The following KIR2DL1 variants were observed in gnomAD, a reference collection of about 807,000 sequenced individuals.
The protein encoded by KIR2DL1 is killer cell immunoglobulin-like receptor 2DL1.
In KIR2DL1, 38 loss-of-function variants were observed where a neutral mutation model predicts 33.9. The observed-to-expected ratio is 1.12, with a 90% CI of 0.86 to 1.47. KIR2DL1 has a LOEUF of 1.47. KIR2DL1 is among the 40% of genes most tolerant of loss of function. The pLI, the probability that KIR2DL1 is intolerant of heterozygous loss-of-function variation, is 0.00. For synonymous variants in KIR2DL1, 179 were observed against 165.9 expected (o/e 1.08, Z -0.61); for missense variants, 531 against 433.9 (o/e 1.22, Z -1.99).
chr19:54,782,854 A>T, intron 5 of KIR2DL1, 68 bp from the exon 6 acceptor site: 6 of 1,546,970 alleles, frequency 3.9e-6, no homozygotes, highest in Non-Finnish European at 5.4e-6. Context: ...TCAATCAAGA[A>T]ATGCGAGACA....
chr19:54,783,745 A>G lies in KIR2DL1; in HGVS notation c.979A>G (p.Thr327Ala), dbSNP rs779801630. The G allele has an allele frequency of 1.9e-6, 3 of 1,614,002 alleles. No homozygotes were observed. Among genetic ancestry groups the G allele is most frequent in the East Asian group, 2.2e-5 (1 of 44,882 alleles). The change falls in exon 8 of 8, where the codon ACA (threonine) becomes GCA (alanine). Residue 327 changes from threonine to alanine, a missense_variant. By Grantham distance (58) the Thr-to-Ala change is moderately conservative (BLOSUM62 0). Coordinates refer to ENST00000336077, the MANE Select transcript of KIR2DL1 (RefSeq NM_014218.3). ...RPSQRPKTPPTDIIVYTELPN... is the reference protein window; with the variant it reads ...RPSQRPKTPPADIIVYTELPN... ...TTCTCAGAGGCCCAAGACACCCCCAACAGATATCATCGTGTACACGGAACT... is the reference window on the plus strand; with the variant it reads ...TTCTCAGAGGCCCAAGACACCCCCAGCAGATATCATCGTGTACACGGAACT...
chr19:54,775,202 C>T lies in KIR2DL1; in HGVS notation c.408C>T (p.Gly136=). 1.9e-6 allele frequency: 3 copies of T among 1,595,532 alleles called. 1 individual carries two copies. The highest frequency in any genetic ancestry group is 2.6e-6 in the Non-Finnish European group (3 of 1,166,900). The change falls in exon 4 of 8, where the codon GGC becomes GGT. Residue 136 remains glycine, a synonymous_variant. Transcript: ENST00000336077. ...YEKPSLSAQL[G]PTVLAGENVT... is the part of the protein sequence containing the mutation. ...AACCTTCTCTCTCAGCCCAGCTGGG[C>T]CCCACGGTTCTGGCAGGAGAGAATG...
At chr19:54,777,643 AT>A (rs2076504216) in intron 4 of KIR2DL1, among the ~76,000 whole-genome samples, 1 of 147,030 alleles carries the variant, frequency 6.8e-6, no homozygotes, top group Admixed American at 6.9e-5. Context: ...TTGTTGGTTT[AT>A]TTTTAGCAGT....
chr19:54,775,208 G>A lies in KIR2DL1; in HGVS notation c.414G>A (p.Thr138=), dbSNP rs142372160. The change falls in exon 4 of 8, where the codon ACG becomes ACA. Residue 138 remains threonine (T), a synonymous_variant. Transcript: ENST00000336077. ...KPSLSAQLGP[T]VLAGENVTLS... ...CTCTCTCAGCCCAGCTGGGCCCCAC[G>A]GTTCTGGCAGGAGAGAATGTGACCT... 1.3e-4 allele frequency: 207 copies of A among 1,598,392 alleles called. No homozygotes were observed. In the African/African-American group the frequency reaches 2.4e-3, roughly 18 times the overall value.
In KIR2DL1 at chr19:54,773,539, G is replaced by T. The variant is rs760583392; in HGVS notation, c.277G>T (p.Asp93Tyr). The change falls in exon 3 of 8, where the codon GAC (aspartate) becomes TAC (tyrosine). Residue 93 changes from aspartate to tyrosine, a missense_variant. By Grantham distance (160) the Asp-to-Tyr change is radical. Coordinates refer to ENST00000336077, the MANE Select transcript of KIR2DL1 (RefSeq NM_014218.3). ...CTTCTCCATCAGTCGCATGACGCAA[G>T]ACCTGGCAGGGACCTACAGATGCTA... is the stretch of plus-strand genomic sequence containing the variant. ...ANFSISRMTQ[D>Y]LAGTYRCYGS... The T allele has an allele frequency of 3.8e-6, 6 of 1,583,344 alleles. No homozygotes were observed. The African/African-American group carries it at 5.4e-5, about 14-fold the overall frequency.
intron 5 of KIR2DL1, chr19:54,780,042 G>T: frequency 2.2e-6 from 1 of 460,064 alleles, no homozygotes; most frequent in South Asian, 2.5e-5. Context: ...GGGATTACAG[G>T]CAACTGCCAC....
At chr19:54,772,320 T>C (rs1319321050) in intron 2 of KIR2DL1, among the ~76,000 whole-genome samples, 1 of 147,450 alleles carries the variant, frequency 6.8e-6, no homozygotes, top group African/African-American at 2.5e-5. Flanking sequence ...TGAATGCAGG[T>C]GGCCTATAGA....
intron 2 of KIR2DL1, among the ~76,000 whole-genome samples, chr19:54,772,003 G>A (rs1295312109): frequency 1.4e-5 from 2 of 147,882 alleles, no homozygotes; most frequent in African/African-American, 4.9e-5. Flanking sequence ...TGTATTTGGG[G>A]TAAAGGGGGA....
In KIR2DL1 at chr19:54,772,783, A is replaced by T. The variant is rs1288967187; in HGVS notation, c.71-550A>T. 2.1e-5 allele frequency among the ~76,000 whole-genome samples: 3 copies of T among 144,460 alleles called. 1 individual carries two copies. The highest frequency in any genetic ancestry group is 4.6e-5 in the Non-Finnish European group (3 of 64,886). 94.8% of individuals were successfully genotyped at this position (144,460 alleles called of 152,430 possible). On this transcript the variant is annotated intron_variant, in intron 2 of 7. Transcript: ENST00000336077. ...TGAGATCAGCAAGGCTCAGATGATG[A>T]TGCCACCACCAGGCTCCATCCACAT...
chr19:54,783,197 A>C (rs113145980), intron 6 of KIR2DL1, among the ~76,000 whole-genome samples, 174 bp downstream of exon 6: 32 of 151,772 alleles, frequency 2.1e-4, no homozygotes, highest in African/African-American at 7.5e-4. Context: ...TTCAACTCAC[A>C]GACCGTTGCC....
Position 54,777,304 on chromosome 19 carries a change from T to G in KIR2DL1, c.665-1308T>G, listed in dbSNP as rs1467180769. On this transcript the variant is annotated intron_variant, in intron 4 of 7. Transcript: ENST00000336077. ...CAGCGTTTCTCTATGTGGGTCAGAC[T>G]GGTCTCAAACTCCCAACCTTATGAG... Among the ~76,000 whole-genome samples, 75 of 148,432 alleles carry G rather than the reference T, an allele frequency of 5.1e-4. 2 individuals are homozygous for G. The highest frequency in any genetic ancestry group is 3.3e-4 in the Non-Finnish European group (22 of 66,534).
At position 54,773,019 on chromosome 19, in the gene KIR2DL1, A is replaced by G. The variant is rs1319645182; in HGVS notation, c.71-314A>G. On this transcript the variant is annotated intron_variant, in intron 2 of 7. Transcript: ENST00000336077. ...TGCTAAGAGCCTGGATGTGCAGCCT[A>G]TCCTGGTTCCTCTTCCACCCCCACA... Among the ~76,000 whole-genome samples the G allele has an allele frequency of 4.0e-5, 6 of 148,406 alleles. No homozygotes were observed. The South Asian group carries it at 1.3e-3, about 32-fold the overall frequency.
At chr19:54,771,854 T>G (rs1177173647) in intron 2 of KIR2DL1, among the ~76,000 whole-genome samples, 1 of 147,274 alleles carries the variant, frequency 6.8e-6, no homozygotes, top group Non-Finnish European at 1.5e-5. Flanking sequence ...CCCCAGTGGG[T>G]GGTCGGCACC....
At chr19:54,777,898 G>A (rs1289506959) in intron 4 of KIR2DL1, among the ~76,000 whole-genome samples, 2 of 148,020 alleles carry the variant, frequency 1.4e-5, no homozygotes, top group African/African-American at 5.0e-5. Context: ...TAGATGTCCA[G>A]GTTTCCCTGC....
Position 54,771,956 on chromosome 19 carries a change from G to A in KIR2DL1, c.70+1072G>A, listed in dbSNP as rs1226084420. Among the ~76,000 whole-genome samples the A allele has an allele frequency of 4.1e-5, 6 of 148,038 alleles. No individual in the cohort carries two copies. The East Asian group carries it at 1.2e-3, about 29-fold the overall frequency. ...CTCCTGAATCCCAGAGCTCCTGGTG[G>A]GCGTGTCCTTGCGGGTCCCATCATG... On this transcript the variant is annotated intron_variant, in intron 2 of 7. Transcript: ENST00000336077.
chr19:54,772,766 G>C (rs1243594128), intron 2 of KIR2DL1, among the ~76,000 whole-genome samples: 1 of 144,138 alleles, frequency 6.9e-6, no homozygotes, highest in East Asian at 2.0e-4. Context: ...ACTGAGATCA[G>C]CAAGGCTCAG....
intron 4 of KIR2DL1, among the ~76,000 whole-genome samples, chr19:54,776,338 A>C (rs1409673253): frequency 6.8e-6 from 1 of 147,130 alleles, no homozygotes; most frequent in Admixed American, 6.9e-5. Context: ...TCCACCTTTT[A>C]GCTCCTGTAT....
rs1283676462 is a variant in KIR2DL1, at chr19:54,773,818, C to A, written c.370+186C>A. Among the ~76,000 whole-genome samples, 4 of 147,988 alleles carry A rather than the reference C, an allele frequency of 2.7e-5. 1 individual carries two copies. The highest frequency in any genetic ancestry group is 7.4e-5 in the African/African-American group (3 of 40,492). ...CACAAGTAGAGACCAGGTGTCATAA[C>A]AGAGAACAGACACAGGGGCCATACC... On this transcript the variant is annotated intron_variant, in intron 3 of 7. Coordinates refer to ENST00000336077, the MANE Select transcript of KIR2DL1 (RefSeq NM_014218.3).
Position 54,783,898 on chromosome 19 carries a change from A to C in KIR2DL1, c.*85A>C. 1 of 1,577,090 alleles carries C rather than the reference A, an allele frequency of 6.3e-7. No homozygotes were observed. Among genetic ancestry groups the C allele is most frequent in the Non-Finnish European group, 8.7e-7 (1 of 1,146,772 alleles). ...GGGTTGCCAGCTCCCATGTACCAGC[A>C]GCTGGAATCTGAAGGCGTGAGTCTG... On this transcript the variant is annotated 3_prime_UTR_variant, in exon 8 of 8. Coordinates refer to ENST00000336077, the MANE Select transcript of KIR2DL1 (RefSeq NM_014218.3).
Sources: gnomAD v4.1 joint callset for allele counts (sites outside exome capture counted in the v4.1 genomes callset) on GRCh38, gnomAD v4.1.1 for gene constraint, MANE v1.5 for transcripts, NCBI Gene and HGNC (gene_info 2026-07-23, HGNC 2026-07-21) for gene names.